Variants in CAMTA1 observed in about 807,000 individuals in gnomAD.
CAMTA1 encodes calmodulin binding transcription activator 1.
A neutral mutation model predicts 170.9 loss-of-function variants in CAMTA1; 27 were observed. The ratio of observed to expected loss-of-function variants is 0.16; its 90% CI spans 0.12 to 0.22. CAMTA1 has a LOEUF of 0.22. Among genes scored for constraint, CAMTA1 ranks in the 10% least tolerant of loss-of-function variants. The pLI, the probability that CAMTA1 is intolerant of heterozygous loss-of-function variation, is 1.00. For synonymous variants in CAMTA1, 833 were observed against 891.5 expected (o/e 0.93, Z 1.17); for missense variants, 1,619 against 2,217.2 (o/e 0.73, Z 5.42).
intron 10 of CAMTA1, among the ~76,000 whole-genome samples, chr1:7,671,704 C>T (rs970284641): frequency 6.6e-6 from 1 of 152,204 alleles, no homozygotes; most frequent in Admixed American, 6.5e-5. Flanking sequence ...GCTCAAAAAT[C>T]CCCCAAGAAA....
At chr1:7,480,270 A>G (rs1475472717) in intron 6 of CAMTA1, among the ~76,000 whole-genome samples, 2 of 125,758 alleles carry the variant, frequency 1.6e-5, no homozygotes, top group East Asian at 4.9e-4. Flanking sequence ...TATGTGTGTG[A>G]GTGCATCTGT....
chr1:6,972,297 G>A (rs1350646548), intron 3 of CAMTA1, among the ~76,000 whole-genome samples: 1 of 152,160 alleles, frequency 6.6e-6, no homozygotes, highest in African/African-American at 2.4e-5. Flanking sequence ...TGCTCCTAGT[G>A]ACACACCTGG....
At chr1:6,990,663 C>T (rs1696202885) in intron 3 of CAMTA1, among the ~76,000 whole-genome samples, 1 of 152,112 alleles carries the variant, frequency 6.6e-6, no homozygotes, top group Admixed American at 6.5e-5. Flanking sequence ...TTCCTCTGGT[C>T]TCTTCTTAGT....
In CAMTA1 at chr1:7,144,920, C is replaced by G. The variant is rs945792586; in HGVS notation, c.302+53549C>G. Among the ~76,000 whole-genome samples, 10 of 152,248 alleles carry G rather than the reference C, an allele frequency of 6.6e-5. No homozygotes were observed. Among genetic ancestry groups the G allele is most frequent in the Non-Finnish European group, 2.9e-5 (2 of 68,034 alleles). On this transcript the variant is annotated intron_variant, in intron 4 of 22. Coordinates refer to ENST00000303635, the MANE Select transcript of CAMTA1 (RefSeq NM_015215.4). This position sits in a 1 kb window ranked among gnomAD's most constrained non-coding sequence, Gnocchi z 4.0. Reference sequence around the variant, plus strand: ...TGAGGCAGCACTTGCTTTTTCTTCCCATGTTACAAATGCAGACAGGAAGGC... The same window carrying G: ...TGAGGCAGCACTTGCTTTTTCTTCCGATGTTACAAATGCAGACAGGAAGGC...
intron 4 of CAMTA1, among the ~76,000 whole-genome samples, chr1:7,130,950 C>T (rs1407921230): frequency 2.0e-5 from 3 of 150,492 alleles, no homozygotes; most frequent in African/African-American, 7.3e-5. Context: ...TGTTCCTTGC[C>T]TTTTCTTTTC....
At position 7,482,705 on chromosome 1, in the gene CAMTA1, C is replaced by G. The variant is rs2093557292; in HGVS notation, c.510+14804C>G. ...AGAAACGTTTGTTGATCCTGAATTG[C>G]TAAAAGGTTTCTTAGTTTGGAGACC... On this transcript the variant is annotated intron_variant, in intron 6 of 22. Coordinates refer to ENST00000303635, the MANE Select transcript of CAMTA1 (RefSeq NM_015215.4). This position sits in a 1 kb window ranked among gnomAD's most constrained non-coding sequence, Gnocchi z 4.2. Among the ~76,000 whole-genome samples, 1 of 152,172 alleles carries G rather than the reference C, an allele frequency of 6.6e-6. No individual in the cohort carries two copies. The highest frequency in any genetic ancestry group is 1.5e-5 in the Non-Finnish European group (1 of 68,030).
intron 6 of CAMTA1, among the ~76,000 whole-genome samples, chr1:7,571,373 G>T (rs1379453446): frequency 1.3e-5 from 2 of 152,126 alleles, no homozygotes; most frequent in Non-Finnish European, 2.9e-5. Flanking sequence ...ACCTGTGCAG[G>T]TTTGTTATGT....
chr1:7,378,277 C>T (rs2086999542), intron 5 of CAMTA1, among the ~76,000 whole-genome samples: 1 of 152,196 alleles, frequency 6.6e-6, no homozygotes, highest in African/African-American at 2.4e-5. Flanking sequence ...TAACTGTGTG[C>T]TCTGCCAGAG....
chr1:6,857,497 G>GTGGA (rs1006357042), intron 3 of CAMTA1, among the ~76,000 whole-genome samples: 4 of 152,196 alleles, frequency 2.6e-5, no homozygotes, highest in African/African-American at 9.7e-5. Context: ...AAGTGAAGAG[G>GTGGA]TGGAGATAGT....
intron 11 of CAMTA1, among the ~76,000 whole-genome samples, chr1:7,678,809 C>T (rs2096152535): frequency 6.6e-6 from 1 of 152,216 alleles, no homozygotes; most frequent in South Asian, 2.1e-4. Flanking sequence ...AAGCAACACC[C>T]CCTCACGCAC....
intron 6 of CAMTA1, among the ~76,000 whole-genome samples, chr1:7,606,291 G>T (rs1576363585): frequency 6.6e-6 from 1 of 152,260 alleles, no homozygotes; most frequent in East Asian, 1.9e-4. Flanking sequence ...GCTGGGGCAG[G>T]GCCTGAGACC....
In CAMTA1 at chr1:7,286,363, G is replaced by A. The variant is rs535328317; in HGVS notation, c.438+36737G>A. 9.2e-5 allele frequency among the ~76,000 whole-genome samples: 14 copies of A among 152,350 alleles called. No homozygotes were observed. In the South Asian group the frequency reaches 1.2e-3, roughly 14 times the overall value. The stretch of plus-strand genomic sequence containing the variant: ...GATTTGAGGTCTATGGGTGGTCCTG[G>A]AAGATCGTCATGGGGGTCTTCAGCT... On this transcript the variant is annotated intron_variant, in intron 5 of 22. Coordinates refer to ENST00000303635, the MANE Select transcript of CAMTA1 (RefSeq NM_015215.4). The surrounding 1 kb of genome is among the most constrained non-coding windows in gnomAD (Gnocchi z 4.2).
intron 5 of CAMTA1, among the ~76,000 whole-genome samples, chr1:7,350,128 C>T (rs939548117): frequency 6.6e-6 from 1 of 152,186 alleles, no homozygotes. Context: ...GAGGGGTGCT[C>T]ACTCCTGTGG....
At chr1:7,204,481 C>T (rs964067943) in intron 4 of CAMTA1, among the ~76,000 whole-genome samples, 5 of 152,008 alleles carry the variant, frequency 3.3e-5, no homozygotes, top group African/African-American at 4.8e-5. Context: ...CATTGTTTTT[C>T]TGCTACTGAT....
At chr1:6,951,602 C>T (rs537650465) in intron 3 of CAMTA1, among the ~76,000 whole-genome samples, 5 of 152,298 alleles carry the variant, frequency 3.3e-5, no homozygotes, top group African/African-American at 1.2e-4. Context: ...AGCTCCAGCC[C>T]CCACAGACAC....
At chr1:7,085,188 T>C (rs1640575085) in intron 3 of CAMTA1, among the ~76,000 whole-genome samples, 1 of 152,184 alleles carries the variant, frequency 6.6e-6, no homozygotes, top group Admixed American at 6.5e-5. Flanking sequence ...TCTATTTCCA[T>C]TGGACAGTGC....
chr1:7,118,646 G>C (rs755764882), intron 4 of CAMTA1, among the ~76,000 whole-genome samples: 2 of 152,030 alleles, frequency 1.3e-5, no homozygotes, highest in African/African-American at 2.4e-5. Flanking sequence ...GTTTATGACT[G>C]TGTCTCTACA....
intron 5 of CAMTA1, among the ~76,000 whole-genome samples, chr1:7,402,119 A>G (rs1445741177): frequency 5.9e-5 from 9 of 152,234 alleles, no homozygotes; most frequent in Admixed American, 5.9e-4. Flanking sequence ...AGTTTGACGT[A>G]ATTGAGACCT....
chr1:7,310,960 G>A (rs922537280), intron 5 of CAMTA1, among the ~76,000 whole-genome samples: 2 of 151,892 alleles, frequency 1.3e-5, no homozygotes, highest in South Asian at 4.2e-4. Context: ...CAAACTCCTG[G>A]GCTCAAGTGA....
Sources: gnomAD v4.1 joint callset for allele counts (sites outside exome capture counted in the v4.1 genomes callset) on GRCh38, gnomAD v4.1.1 for gene constraint, Gnocchi (gnomAD v3.1) non-coding constraint, MANE v1.5 for transcripts, NCBI Gene and HGNC (gene_info 2026-07-23, HGNC 2026-07-21) for gene names.